The following KPNB1 variants were observed in gnomAD, a reference collection of about 807,000 sequenced individuals.
KPNB1 encodes the protein karyopherin subunit beta 1.
Under a neutral mutation model 113.0 loss-of-function variants are expected in KPNB1, and 7 were observed. That is an observed-to-expected ratio of 0.06 (90% confidence interval 0.04 to 0.12). The LOEUF is 0.12. KPNB1 is among the 10% of genes least tolerant of loss of function. The pLI is 1.00. For missense variants in KPNB1, 400 were observed against 1,054.8 expected, an observed-to-expected ratio of 0.38 and a Z score of 8.60; for synonymous variants, 363 against 378.6, an observed-to-expected ratio of 0.96 and a Z score of 0.48.
At chr17:47,668,725 G>T (rs1260762188) in intron 10 of KPNB1, among the ~76,000 whole-genome samples, 2 of 152,092 alleles carry the variant, frequency 1.3e-5, no homozygotes, top group African/African-American at 2.4e-5. Flanking sequence ...GGCTCTTCCT[G>T]TGCAGATTGT....
At chr17:47,654,795 T>C (rs536116789) in intron 3 of KPNB1, among the ~76,000 whole-genome samples, 4 of 152,296 alleles carry the variant, frequency 2.6e-5, no homozygotes, top group South Asian at 2.1e-4. Context: ...TAGGAGACTA[T>C]GTAGTGTGGT....
intron 16 of KPNB1, 47 bp from the exon 17 acceptor site, chr17:47,676,973 G>C (rs1479195581): frequency 7.6e-6 from 11 of 1,447,120 alleles, no homozygotes; most frequent in Non-Finnish European, 1.1e-5. Context: ...TCTTGCCCCA[G>C]CAGGCAGCCT....
chr17:47,656,311 GTAA>G (rs1219868431), intron 3 of KPNB1, among the ~76,000 whole-genome samples: 1 of 151,842 alleles, frequency 6.6e-6, no homozygotes, highest in Non-Finnish European at 1.5e-5. Context: ...GCTCACACCT[GTAA>G]TCCTAGCACT....
intron 14 of KPNB1, among the ~76,000 whole-genome samples, chr17:47,674,296 C>T (rs2030532861): frequency 6.6e-6 from 1 of 152,178 alleles, no homozygotes; most frequent in African/African-American, 2.4e-5. Context: ...GTGATAGGGC[C>T]TTCTCTAAAG....
chr17:47,657,653 A>C (rs1189677467), intron 4 of KPNB1, among the ~76,000 whole-genome samples: 1 of 152,222 alleles, frequency 6.6e-6, no homozygotes, highest in Non-Finnish European at 1.5e-5. Flanking sequence ...GCTTTACTTT[A>C]GAGTACAGAT....
intron 3 of KPNB1, among the ~76,000 whole-genome samples, chr17:47,655,202 G>A (rs187710752): frequency 6.6e-6 from 1 of 152,318 alleles, no homozygotes; most frequent in Non-Finnish European, 1.5e-5. Flanking sequence ...TTCTTAGTGA[G>A]TTCATTGACT....
intron 8 of KPNB1, 95 bp downstream of exon 8, chr17:47,664,364 G>T (rs771380275): frequency 1.1e-5 from 9 of 820,338 alleles, no homozygotes; most frequent in Admixed American, 6.1e-5. Context: ...TTCTGTCTGG[G>T]TTTAGAGGGT....
chr17:47,679,890 G>T lies in KPNB1; in HGVS notation c.2354-130G>T, dbSNP rs969768722. 1.8e-5 allele frequency: 11 copies of T among 627,852 alleles called. No individual in the cohort carries two copies. In the East Asian group the frequency reaches 3.0e-4, roughly 17 times the overall value. 38.9% of individuals were successfully genotyped at this position (627,852 alleles called of 1,614,324 possible). On this transcript the variant is annotated intron_variant, in intron 19 of 21. Transcript: ENST00000290158. ...TTTTTTGTATTTTTAGTAGAGACGGGGTTTCACCGAGTTAGCCAGGATGGT... is the reference window on the plus strand; with the variant it reads ...TTTTTTGTATTTTTAGTAGAGACGGTGTTTCACCGAGTTAGCCAGGATGGT...
chr17:47,674,944 C>G (rs7213086), intron 15 of KPNB1, among the ~76,000 whole-genome samples, 162 bp downstream of exon 15: 87,968 of 152,040 alleles, frequency 0.58, 26,010 homozygotes, highest in African/African-American at 0.68. Context: ...AGTGCCCCCA[C>G]AGTAGCTGGG....
intron 2 of KPNB1, chr17:47,651,123 G>T: frequency 3.8e-5 from 25 of 664,352 alleles, no homozygotes; most frequent in Non-Finnish European, 4.7e-5. Context: ...AACAGACTGA[G>T]GCTCATCTTT....
intron 15 of KPNB1, among the ~76,000 whole-genome samples, chr17:47,675,376 TTTTTTTTTG>T (rs2030580701): frequency 8.4e-6 from 1 of 118,992 alleles, no homozygotes; most frequent in African/African-American, 3.7e-5. Context: ...TTTTTTGTTT[TTTTTTTTTG>T]TTTGTTTTTT....
intron 15 of KPNB1, among the ~76,000 whole-genome samples, chr17:47,675,387 T>TTTTTTTTTTTTTTTTTTTTTTTTTTC (rs1790136117): frequency 9.4e-6 from 1 of 106,468 alleles, no homozygotes; most frequent in Non-Finnish European, 1.9e-5. Flanking sequence ...TTTTTTTTGT[T>TTTTTTTTTTTTTTTTTTTTTTTTTTC]TGTTTTTTTT....
chr17:47,654,728 C>T (rs1189925403), intron 3 of KPNB1, among the ~76,000 whole-genome samples: 1 of 152,092 alleles, frequency 6.6e-6, no homozygotes, highest in South Asian at 2.1e-4. Flanking sequence ...CTTCAGAAAG[C>T]AATCTAAAGG....
Position 47,678,132 on chromosome 17 carries a change from A to G in KPNB1, c.2190A>G (p.Lys730=), listed in dbSNP as rs1343971652. ...IALAIGGEFK[K]YLEVVLNTLQ... is the part of the protein sequence containing the mutation. ...TTGCTATTGGAGGAGAGTTTAAAAA[A>G]TACTTAGAGGTTGTATTGAATACTC... The change falls in exon 18 of 22, where the codon AAA becomes AAG. Residue 730 remains lysine (K), a synonymous_variant. Transcript: ENST00000290158. 6.2e-7 allele frequency: 1 copy of G among 1,614,094 alleles called. No homozygotes were observed. Among genetic ancestry groups the G allele is most frequent in the Non-Finnish European group, 8.5e-7 (1 of 1,180,032 alleles).
chr17:47,670,563 T>C, intron 11 of KPNB1, 139 bp from the exon 12 acceptor site: 1 of 717,102 alleles, frequency 1.4e-6, no homozygotes, highest in Non-Finnish European at 2.3e-6. Flanking sequence ...AAGATACCTG[T>C]AAAATGCTGT....
rs554630987 is a variant in KPNB1, at chr17:47,655,143, C to T, written c.283-1717C>T. 1.1e-4 allele frequency among the ~76,000 whole-genome samples: 17 copies of T among 152,298 alleles called. No individual in the cohort carries two copies. The South Asian group carries it at 1.5e-3, about 13-fold the overall frequency. The stretch of plus-strand genomic sequence containing the variant: ...AATATCTGGCAGCTATTCTTTGTCC[C>T]GTGTTCATGCCAGAACAGTTAACTG... On this transcript the variant is annotated intron_variant, in intron 3 of 21. Coordinates refer to ENST00000290158, the MANE Select transcript of KPNB1 (RefSeq NM_002265.6).
intron 7 of KPNB1, 104 bp from the exon 8 acceptor site, chr17:47,664,055 A>G: frequency 1.5e-6 from 1 of 660,052 alleles, no homozygotes. Context: ...TCCTTTTTAT[A>G]GTTACATTTC....
intron 10 of KPNB1, among the ~76,000 whole-genome samples, chr17:47,669,115 C>CG (rs2030377145): frequency 1.3e-5 from 2 of 150,728 alleles, no homozygotes; most frequent in South Asian, 4.2e-4. Flanking sequence ...GGTAGGGAGG[C>CG]GGGGGGATGG....
In KPNB1 at chr17:47,658,623, A is replaced by G. The variant is rs1310254835; in HGVS notation, c.599A>G (p.Asn200Ser). Residue 200 changes from asparagine (N) to serine (S), a missense_variant, in exon 5 of 22, where the codon AAC becomes AGC. By Grantham distance (46) the Asn-to-Ser change is conservative. Transcript: ENST00000290158. Reference sequence around the variant, plus strand: ...CTAGCTGCTACGAATGCACTCCTGAACTCATTGGAGTTCACCAAAGCAAAC... The same window carrying G: ...CTAGCTGCTACGAATGCACTCCTGAGCTCATTGGAGTTCACCAAAGCAAAC... ...VKLAATNALL[N>S]SLEFTKANFD... 1 of 1,613,840 alleles carries G rather than the reference A, an allele frequency of 6.2e-7. No homozygotes were observed. Among genetic ancestry groups the G allele is most frequent in the Non-Finnish European group, 8.5e-7 (1 of 1,180,002 alleles).
Sources: gnomAD v4.1 joint callset for allele counts (sites outside exome capture counted in the v4.1 genomes callset) on GRCh38, gnomAD v4.1.1 for gene constraint, MANE v1.5 for transcripts, NCBI Gene and HGNC (gene_info 2026-07-23, HGNC 2026-07-21) for gene names.